SDK1: variants seen among roughly 807,000 people sequenced by gnomAD.
SDK1 encodes protein sidekick-1.
SDK1 carries 157 observed loss-of-function variants against 245.5 expected under a neutral mutation model. The observed-to-expected ratio is 0.64, with a 90% CI of 0.56 to 0.73. The LOEUF (loss-of-function observed/expected upper bound fraction) is 0.73. Among genes scored for constraint, SDK1 ranks in the 30% least tolerant of loss-of-function variants. The probability of loss-of-function intolerance (pLI) is 0.00; values close to 1 mark genes in which losing one functional copy is unlikely to be tolerated. For missense variants in SDK1, 3,583 were observed against 3,002.3 expected (o/e 1.19, Z -4.52); for synonymous variants, 1,647 against 1,278.5 (o/e 1.29, Z -6.15).
In SDK1 at chr7:3,401,370, A is replaced by G. The variant is rs113760652; in HGVS notation, c.298+99486A>G. Among the ~76,000 whole-genome samples, 61 of 152,310 alleles carry G rather than the reference A, an allele frequency of 4.0e-4. 2 individuals are homozygous for G. The highest frequency in any genetic ancestry group is 1.0e-3 in the African/African-American group (43 of 41,582). On this transcript the variant is annotated intron_variant, in intron 1 of 44. Transcript: ENST00000404826. ...CAATTTTCCTGTTTACTGTGTGACA[A>G]GAGCATTATGGGGCCTTGAAAATGG...
intron 1 of SDK1, among the ~76,000 whole-genome samples, chr7:3,581,862 T>A (rs1780507947): frequency 6.6e-6 from 1 of 152,256 alleles, no homozygotes; most frequent in African/African-American, 2.4e-5. Context: ...TGGGTGAAGC[T>A]GGAGGCCATC....
At chr7:3,997,749 G>T (rs556858039) in intron 14 of SDK1, among the ~76,000 whole-genome samples, 1 of 152,272 alleles carries the variant, frequency 6.6e-6, no homozygotes, top group South Asian at 2.1e-4. Flanking sequence ...CCAGCCAGGG[G>T]GACTGGCAGC....
chr7:3,888,800 C>A (rs1781393068), intron 5 of SDK1, among the ~76,000 whole-genome samples: 1 of 152,140 alleles, frequency 6.6e-6, no homozygotes, highest in African/African-American at 2.4e-5. Context: ...GTTATTGGTG[C>A]AGATTTCGCA....
At chr7:3,474,450 A>T (rs978743522) in intron 1 of SDK1, among the ~76,000 whole-genome samples, 1 of 151,892 alleles carries the variant, frequency 6.6e-6, no homozygotes, top group Non-Finnish European at 1.5e-5. Context: ...TACCAACCCC[A>T]GTATCTCACC....
At chr7:3,689,658 A>G (rs1351532364) in intron 4 of SDK1, among the ~76,000 whole-genome samples, 1 of 152,242 alleles carries the variant, frequency 6.6e-6, no homozygotes, top group Non-Finnish European at 1.5e-5. Flanking sequence ...TAATTTTACT[A>G]GGCCTCAGAT....
At chr7:3,590,130 G>A (rs144383486) in intron 1 of SDK1, among the ~76,000 whole-genome samples, 7 of 152,272 alleles carry the variant, frequency 4.6e-5, no homozygotes, top group African/African-American at 1.7e-4. Context: ...AACTAAAATT[G>A]GAATGTAAAG....
chr7:3,832,486 T>A (rs1779936548), intron 5 of SDK1, among the ~76,000 whole-genome samples: 1 of 152,216 alleles, frequency 6.6e-6, no homozygotes, highest in Admixed American at 6.5e-5. Flanking sequence ...ATTAAAATTG[T>A]AGTTCTTTAC....
chr7:3,521,032 T>C (rs73671888), intron 1 of SDK1, among the ~76,000 whole-genome samples: 1,527 of 152,302 alleles, frequency 0.01, 29 homozygotes, highest in African/African-American at 0.035. Flanking sequence ...TTCTGGAATC[T>C]CTGAGGATGA....
At chr7:3,677,913 G>C (rs1265524498) in intron 4 of SDK1, among the ~76,000 whole-genome samples, 1 of 152,164 alleles carries the variant, frequency 6.6e-6, no homozygotes, top group Non-Finnish European at 1.5e-5. Flanking sequence ...CTGATGTCCA[G>C]AATGTGTAAA....
chr7:3,365,781 C>T (rs1015049167), intron 1 of SDK1, among the ~76,000 whole-genome samples: 2 of 151,932 alleles, frequency 1.3e-5, no homozygotes, highest in African/African-American at 4.8e-5. Context: ...GCCTGTAGTC[C>T]CAGCACTTTG....
chr7:3,503,198 A>C (rs1284809025), intron 1 of SDK1, among the ~76,000 whole-genome samples: 2 of 152,178 alleles, frequency 1.3e-5, no homozygotes, highest in Non-Finnish European at 2.9e-5. Context: ...GTTTTTAAGA[A>C]TTTGTCAACT....
intron 32 of SDK1, among the ~76,000 whole-genome samples, chr7:4,172,236 T>G (rs1170781771): frequency 2.6e-5 from 4 of 152,228 alleles, no homozygotes; most frequent in Non-Finnish European, 5.9e-5. Flanking sequence ...GGCAGTGGCC[T>G]GGGGGCTGCT....
intron 22 of SDK1, among the ~76,000 whole-genome samples, chr7:4,098,268 G>A (rs552309823): frequency 8.5e-5 from 13 of 152,272 alleles, no homozygotes; most frequent in African/African-American, 3.1e-4. Flanking sequence ...CAAAGGAAGT[G>A]TTTTACCACA....
chr7:3,835,346 T>C (rs1275516515), intron 5 of SDK1, among the ~76,000 whole-genome samples: 1 of 152,188 alleles, frequency 6.6e-6, no homozygotes, highest in African/African-American at 2.4e-5. Context: ...CGTCCCTCTT[T>C]GTCTCAGTCT....
intron 1 of SDK1, among the ~76,000 whole-genome samples, chr7:3,311,718 T>C (rs577634664): frequency 1.2e-4 from 18 of 152,320 alleles, no homozygotes; most frequent in Admixed American, 3.3e-4. Flanking sequence ...TGTGGAGGAC[T>C]CCCTTCACCA....
intron 4 of SDK1, among the ~76,000 whole-genome samples, chr7:3,661,099 C>T (rs957800013): frequency 1.3e-5 from 2 of 152,184 alleles, no homozygotes; most frequent in Non-Finnish European, 2.9e-5. Context: ...CCGTTATTGC[C>T]TACTCCAGTG....
intron 30 of SDK1, among the ~76,000 whole-genome samples, chr7:4,150,566 C>A (rs1379813716): frequency 6.6e-6 from 1 of 152,210 alleles, no homozygotes; most frequent in African/African-American, 2.4e-5. Flanking sequence ...TCATATCCCC[C>A]ACCCAGCCTC....
At chr7:3,626,897 G>T (rs556213298) in intron 2 of SDK1, among the ~76,000 whole-genome samples, 2 of 151,998 alleles carry the variant, frequency 1.3e-5, no homozygotes, top group South Asian at 4.2e-4. Context: ...CAGAATAGGG[G>T]CCAATCATAT....
intron 1 of SDK1, among the ~76,000 whole-genome samples, chr7:3,328,009 A>C (rs1056674135): frequency 2.0e-5 from 3 of 152,096 alleles, no homozygotes; most frequent in Admixed American, 6.6e-5. Context: ...GTCCCTCTGG[A>C]GGCTGTGAAA....
Sources: gnomAD v4.1 joint callset for allele counts (sites outside exome capture counted in the v4.1 genomes callset) on GRCh38, gnomAD v4.1.1 for gene constraint, MANE v1.5 for transcripts, NCBI Gene and HGNC (gene_info 2026-07-23, HGNC 2026-07-21) for gene names.